PHKA2: variants seen among roughly 807,000 people sequenced by gnomAD.
PHKA2 encodes the protein phosphorylase kinase regulatory subunit alpha 2.
A neutral mutation model predicts 102.0 loss-of-function variants in PHKA2; 31 were observed. That is an observed-to-expected ratio of 0.30 (90% CI 0.23 to 0.41). The LOEUF (loss-of-function observed/expected upper bound fraction) is 0.41, where lower values mean the gene tolerates loss of function less well. Among genes scored for constraint, PHKA2 ranks in the 10% least tolerant of loss-of-function variants. The pLI is 1.00. For synonymous variants in PHKA2, 455 were observed against 416.2 expected (o/e 1.09, Z -1.13); for missense variants, 858 against 1,023.1 (o/e 0.84, Z 2.20).
In PHKA2 at chrX:18,954,270, G is replaced by A; in HGVS notation, c.221C>T (p.Ala74Val). 6 of 1,211,690 alleles carry A rather than the reference G, an allele frequency of 5.0e-6. No individual in the cohort carries two copies. The highest frequency in any genetic ancestry group is 4.5e-6 in the Non-Finnish European group (4 of 895,230). ...NADRDEDKAK[A>V]YELEQNVVKL... Reference sequence around the variant, plus strand: ...CACTATTACCTGCTCCAGCTCGTAGGCCTTGGCCTTGTCCTCATCGCGGTC... The same window carrying A: ...CACTATTACCTGCTCCAGCTCGTAGACCTTGGCCTTGTCCTCATCGCGGTC... The change falls in exon 2 of 33, where the codon GCC becomes GTC. Residue 74 changes from alanine to valine, a missense_variant. Ala to Val is a moderately conservative substitution (Grantham distance 64). Coordinates refer to ENST00000379942, the MANE Select transcript of PHKA2 (RefSeq NM_000292.3).
intron 25 of PHKA2, 82 bp from the exon 26 acceptor site, chrX:18,905,941 G>A (rs2047803327): frequency 1.5e-6 from 1 of 666,572 alleles, no homozygotes; most frequent in South Asian, 2.2e-5. Context: ...TGGGTGGGGA[G>A]GGAGGTGATA....
At chrX:18,980,705 G>T (rs1158152416) in intron 1 of PHKA2, among the ~76,000 whole-genome samples, 2 of 111,640 alleles carry the variant, frequency 1.8e-5, no homozygotes, top group African/African-American at 6.5e-5. Flanking sequence ...GACCGGTGCC[G>T]GTGCAGGTCC....
chrX:18,952,708 T>C lies in PHKA2; in HGVS notation c.238-167A>G, dbSNP rs765942453. ...GATGGTTCATGTCCTCTCCACTCCA[T>C]CATAAAGAAAGAAAAATCTCGACAA... On this transcript the variant is annotated intron_variant, in intron 2 of 32. Coordinates refer to ENST00000379942, the MANE Select transcript of PHKA2 (RefSeq NM_000292.3). 5.4e-5 allele frequency among the ~76,000 whole-genome samples: 6 copies of C among 112,099 alleles called. No individual in the cohort carries two copies. In the Middle Eastern group the frequency reaches 0.014, roughly 257 times the overall value.
intron 1 of PHKA2, among the ~76,000 whole-genome samples, chrX:18,958,535 T>C (rs1426544894): frequency 9.0e-6 from 1 of 111,185 alleles, no homozygotes; most frequent in Non-Finnish European, 1.9e-5. Flanking sequence ...ATAGTTTTAA[T>C]TTTTTGTCAG....
At chrX:18,932,827 T>G (rs757574659) in intron 11 of PHKA2, among the ~76,000 whole-genome samples, 7 of 111,698 alleles carry the variant, frequency 6.3e-5, no homozygotes, top group Non-Finnish European at 5.6e-5. Context: ...TAAGAAAGAC[T>G]GAAAGGTCAG....
intron 1 of PHKA2, 119 bp from the exon 2 acceptor site, chrX:18,954,531 C>A (rs1322371684): frequency 1.5e-6 from 1 of 648,234 alleles, no homozygotes; most frequent in Non-Finnish European, 2.4e-6. Flanking sequence ...GACCAAAGTT[C>A]CAGTCCTTGC....
chrX:18,983,720 G>A, intron 1 of PHKA2, 135 bp downstream of exon 1: 1 of 580,060 alleles, frequency 1.7e-6, no homozygotes, highest in Non-Finnish European at 3.1e-6. Flanking sequence ...GTAATCACTG[G>A]CTAGCAAGGA....
chrX:18,906,018 G>C (rs2047804919), intron 25 of PHKA2, among the ~76,000 whole-genome samples, 159 bp from the exon 26 acceptor site: 1 of 111,768 alleles, frequency 8.9e-6, no homozygotes, highest in South Asian at 3.8e-4. Context: ...GAAATGCACT[G>C]TTCCGTGGGG....
chrX:18,953,645 G>A (rs1476725421), intron 2 of PHKA2, among the ~76,000 whole-genome samples: 1 of 111,832 alleles, frequency 8.9e-6, no homozygotes, highest in Non-Finnish European at 1.9e-5. Flanking sequence ...GATAAAGTAC[G>A]TGTGAAAGAA....
intron 19 of PHKA2, among the ~76,000 whole-genome samples, chrX:18,916,696 G>C (rs1024343119): frequency 1.8e-5 from 2 of 111,196 alleles, no homozygotes; most frequent in Non-Finnish European, 3.8e-5. Context: ...TGAAGTGTCT[G>C]CTCCCCTTTT....
At chrX:18,954,863 T>A (rs2048751697) in intron 1 of PHKA2, among the ~76,000 whole-genome samples, 1 of 112,267 alleles carries the variant, frequency 8.9e-6, no homozygotes, top group South Asian at 3.6e-4. Flanking sequence ...CTCCGCTCTC[T>A]AGCTGTGTGT....
At chrX:18,903,977 C>T (rs1233873880) in intron 26 of PHKA2, among the ~76,000 whole-genome samples, 1 of 112,078 alleles carries the variant, frequency 8.9e-6, no homozygotes, top group East Asian at 2.8e-4. Flanking sequence ...CCGCACTGGG[C>T]ATCTGCCTGT....
Position 18,910,950 on chromosome X carries a change from C to A in PHKA2, c.2148G>T (p.Met716Ile). ...AKGLEVPFVP[M>I]TLPTKVLSAH... ...CACTTAGAACTTTAGTCGGCAAAGT[C>A]ATGGGAACAACTGGAAAACAAAAGA... Residue 716 changes from methionine to isoleucine, a missense_variant, in exon 20 of 33, where the codon ATG becomes ATT. This residue lies in a region of PHKA2 where 671 missense variants were observed against 745.2 expected (regional missense o/e 0.90). Transcript: ENST00000379942. 1.7e-6 allele frequency: 2 copies of A among 1,171,036 alleles called. No homozygotes were observed. Among genetic ancestry groups the A allele is most frequent in the South Asian group, 1.8e-5 (1 of 56,028 alleles).
chrX:18,977,717 G>A (rs937423227), intron 1 of PHKA2, among the ~76,000 whole-genome samples: 5 of 110,988 alleles, frequency 4.5e-5, no homozygotes, highest in Non-Finnish European at 7.5e-5. Context: ...AAGTCTACTC[G>A]GTCTGATATT....
Position 18,893,168 on chromosome X carries a change from T to A in PHKA2, c.*317A>T, listed in dbSNP as rs745509660. 2.9e-6 allele frequency: 1 copy of A among 341,575 alleles called. No homozygotes were observed. Among genetic ancestry groups the A allele is most frequent in the Admixed American group, 4.6e-5 (1 of 21,977 alleles). 28.1% of individuals were successfully genotyped at this position (341,575 alleles called of 1,213,427 possible). On this transcript the variant is annotated 3_prime_UTR_variant, in exon 33 of 33. Transcript: ENST00000379942. The stretch of plus-strand genomic sequence containing the variant: ...TTTAAGCTGGCGTCTCAGTTCCCTC[T>A]GCACTCAAAAGAGACCAATTTCCAA...
intron 12 of PHKA2, among the ~76,000 whole-genome samples, chrX:18,929,975 G>A (rs1462761972): frequency 2.7e-5 from 3 of 112,534 alleles, no homozygotes; most frequent in South Asian, 7.3e-4. Flanking sequence ...GAAGGAAAGA[G>A]CGCTGCACAG....
At chrX:18,931,173 C>A (rs1051527167) in intron 12 of PHKA2, among the ~76,000 whole-genome samples, 1 of 112,476 alleles carries the variant, frequency 8.9e-6, no homozygotes, top group East Asian at 2.8e-4. Context: ...CGGGGCAACA[C>A]CTGACACAAA....
intron 5 of PHKA2, among the ~76,000 whole-genome samples, chrX:18,948,273 A>G (rs753344732): frequency 1.8e-5 from 2 of 111,958 alleles, no homozygotes; most frequent in Non-Finnish European, 3.8e-5. Context: ...CAGGAGTTTG[A>G]GACCAGCCTG....
Position 18,938,705 on chromosome X carries a change from G to A in PHKA2, c.963C>T (p.Phe321=), listed in dbSNP as rs35010660. The A allele has an allele frequency of 9.2e-4, 1,104 of 1,203,325 alleles. 7 individuals are homozygous for A. The African/African-American group carries it at 0.018, about 19-fold the overall frequency. Residue 321 remains phenylalanine, a synonymous_variant, in exon 10 of 33, where the codon TTC becomes TTT. Coordinates refer to ENST00000379942, the MANE Select transcript of PHKA2 (RefSeq NM_000292.3). ...CAGGCCACTCACATTCAATGTTTTCGAAGAGCTTGAGTTCAGCAGGGTCAT... is the reference window on the plus strand; with the variant it reads ...CAGGCCACTCACATTCAATGTTTTCAAAGAGCTTGAGTTCAGCAGGGTCAT... ...LHYDPAELKL[F]ENIECEWPVF...
Sources: gnomAD v4.1 joint callset for allele counts (sites outside exome capture counted in the v4.1 genomes callset) on GRCh38, gnomAD v4.1.1 for gene constraint, gnomAD v4.1.1 regional missense constraint, MANE v1.5 for transcripts, NCBI Gene and HGNC (gene_info 2026-07-23, HGNC 2026-07-21) for gene names.